Variants in GRIN2A observed in about 807,000 individuals in gnomAD.
The protein encoded by GRIN2A is glutamate ionotropic receptor NMDA type subunit 2A.
A neutral mutation model predicts 113.4 loss-of-function variants in GRIN2A; 22 were observed. The observed-to-expected ratio is 0.19, with a 90% CI of 0.14 to 0.28. GRIN2A has a LOEUF of 0.28. Ranked by LOEUF, GRIN2A falls within the 10% of genes least tolerant of loss-of-function variation. The pLI is 1.00. For synonymous variants in GRIN2A, 827 were observed against 738.4 expected (o/e 1.12, Z -1.94); for missense variants, 1,502 against 1,887.0 (o/e 0.80, Z 3.78).
At chr16:10,082,436 C>A (rs546642562) in intron 2 of GRIN2A, among the ~76,000 whole-genome samples, 5 of 152,274 alleles carry the variant, frequency 3.3e-5, no homozygotes, top group African/African-American at 1.2e-4. Flanking sequence ...TACAGGTGAA[C>A]CTGTGAATAT....
intron 3 of GRIN2A, among the ~76,000 whole-genome samples, chr16:9,933,911 G>A (rs564237707): frequency 1.1e-4 from 16 of 152,326 alleles, no homozygotes; most frequent in Non-Finnish European, 1.5e-4. Flanking sequence ...ATTTTTGTAC[G>A]TTAGACAGAA....
chr16:9,867,413 A>G (rs188612454), intron 4 of GRIN2A, among the ~76,000 whole-genome samples: 7 of 152,180 alleles, frequency 4.6e-5, no homozygotes, highest in Admixed American at 2.6e-4. Context: ...TTCAGACTCT[A>G]TGGACAACCC....
intron 4 of GRIN2A, among the ~76,000 whole-genome samples, chr16:9,871,538 G>A (rs1355247446): frequency 6.6e-6 from 1 of 151,848 alleles, no homozygotes; most frequent in Admixed American, 6.6e-5. Context: ...TGTTTATTAA[G>A]ATCTTTCTAA....
intron 4 of GRIN2A, among the ~76,000 whole-genome samples, chr16:9,868,721 C>A (rs566265841): frequency 6.6e-6 from 1 of 152,230 alleles, no homozygotes; most frequent in Non-Finnish European, 1.5e-5. Context: ...CTTCCCTCTG[C>A]ATTCATGACA....
intron 2 of GRIN2A, among the ~76,000 whole-genome samples, chr16:9,994,652 A>C (rs553694176): frequency 6.6e-6 from 1 of 152,332 alleles, no homozygotes; most frequent in African/African-American, 2.4e-5. Flanking sequence ...TGGGCAGGGA[A>C]GGGTTTGAAT....
intron 2 of GRIN2A, among the ~76,000 whole-genome samples, chr16:10,173,546 T>A (rs367666771): frequency 6.6e-6 from 1 of 152,174 alleles, no homozygotes; most frequent in African/African-American, 2.4e-5. Context: ...CTGAACCATA[T>A]TGTGATATGT....
At chr16:9,804,627 C>T (rs1278325052) in intron 10 of GRIN2A, among the ~76,000 whole-genome samples, 2 of 152,002 alleles carry the variant, frequency 1.3e-5, no homozygotes, top group Non-Finnish European at 2.9e-5. Flanking sequence ...ACCTTTCTGC[C>T]TCCACTCCCT....
At chr16:9,810,491 T>G (rs960040254) in intron 10 of GRIN2A, among the ~76,000 whole-genome samples, 1 of 152,178 alleles carries the variant, frequency 6.6e-6, no homozygotes, top group Non-Finnish European at 1.5e-5. Flanking sequence ...GATCTTGAGA[T>G]AAAGTCATCC....
chr16:9,960,090 C>G (rs1442223884), intron 2 of GRIN2A, among the ~76,000 whole-genome samples: 1 of 152,180 alleles, frequency 6.6e-6, no homozygotes, highest in Non-Finnish European at 1.5e-5. Flanking sequence ...ACCCAACTAT[C>G]TGGCCCAGGT....
chr16:9,913,079 T>G (rs1241266358), intron 3 of GRIN2A, among the ~76,000 whole-genome samples: 1 of 152,238 alleles, frequency 6.6e-6, no homozygotes, highest in Non-Finnish European at 1.5e-5. Flanking sequence ...GGAGGGTCCC[T>G]TCCACTGATA....
intron 2 of GRIN2A, among the ~76,000 whole-genome samples, chr16:10,152,331 C>T (rs1279276331): frequency 6.6e-6 from 1 of 152,188 alleles, no homozygotes; most frequent in Admixed American, 6.5e-5. Context: ...TACTTGGCCA[C>T]CTACGTGTCT....
intron 2 of GRIN2A, among the ~76,000 whole-genome samples, chr16:10,144,856 G>GACTGCA (rs2049402575): frequency 7.0e-6 from 1 of 142,368 alleles, no homozygotes; most frequent in African/African-American, 2.7e-5. Context: ...AGGAGGCGGA[G>GACTGCA]ACTGCAGTGA....
intron 2 of GRIN2A, among the ~76,000 whole-genome samples, chr16:9,979,646 T>A (rs1185190580): frequency 6.6e-6 from 1 of 151,990 alleles, no homozygotes; most frequent in African/African-American, 2.4e-5. Context: ...TATACTAGAA[T>A]CTGGACATGA....
At chr16:9,844,453 CT>C (rs2042737198) in intron 5 of GRIN2A, among the ~76,000 whole-genome samples, 1 of 152,178 alleles carries the variant, frequency 6.6e-6, no homozygotes, top group Non-Finnish European at 1.5e-5. Context: ...CTGTTGGTTC[CT>C]ATTACAGCCC....
chr16:10,132,116 G>A (rs1475462857), intron 2 of GRIN2A, among the ~76,000 whole-genome samples: 1 of 152,102 alleles, frequency 6.6e-6, no homozygotes, highest in Non-Finnish European at 1.5e-5. Flanking sequence ...CAGATCACTT[G>A]AAGTCAGGAA....
In GRIN2A at chr16:9,895,748, C is replaced by G. The variant is rs563478535; in HGVS notation, c.1008-4648G>C. ...TACCAGTCACTCTGTACCTGCTGCCCTAAGTTGATAATTAGGGTGGCCAAC... is the reference window on the plus strand; with the variant it reads ...TACCAGTCACTCTGTACCTGCTGCCGTAAGTTGATAATTAGGGTGGCCAAC... On this transcript the variant is annotated intron_variant, in intron 3 of 12. Transcript: ENST00000330684. Among the ~76,000 whole-genome samples the G allele has an allele frequency of 2.6e-5, 4 of 152,246 alleles. No individual in the cohort carries two copies. The East Asian group carries it at 7.7e-4, about 29-fold the overall frequency.
chr16:9,919,464 G>A (rs972575590), intron 3 of GRIN2A, among the ~76,000 whole-genome samples: 1 of 152,062 alleles, frequency 6.6e-6, no homozygotes, highest in Non-Finnish European at 1.5e-5. Flanking sequence ...GAGATGCATG[G>A]GATTATTCTG....
chr16:9,865,700 C>G (rs2043149943), intron 4 of GRIN2A, among the ~76,000 whole-genome samples: 1 of 152,120 alleles, frequency 6.6e-6, no homozygotes, highest in African/African-American at 2.4e-5. Flanking sequence ...CATGGAGTGC[C>G]TACTATGTGC....
rs1903130042 is a variant in GRIN2A, at chr16:9,798,344, A to C, written c.2289T>G (p.Ile763Met). The C allele has an allele frequency of 6.2e-7, 1 of 1,613,964 alleles. No homozygotes were observed. Among genetic ancestry groups the C allele is most frequent in the Non-Finnish European group, 8.5e-7 (1 of 1,179,984 alleles). Reference sequence around the variant, plus strand: ...TCCAAGGAGAGCCTTTCTGAAGGGCAATTCCATAACCGGTGGTGGCAAAGA... The same window carrying C: ...TCCAAGGAGAGCCTTTCTGAAGGGCCATTCCATAACCGGTGGTGGCAAAGA... ...GYIFATTGYG[I>M]ALQKGSPWKR... The change falls in exon 11 of 13, where the codon ATT becomes ATG. Residue 763 changes from isoleucine to methionine, a missense_variant. Ile to Met is a conservative substitution (Grantham distance 10, BLOSUM62 1). Transcript: ENST00000330684.
Sources: gnomAD v4.1 joint callset for allele counts (sites outside exome capture counted in the v4.1 genomes callset) on GRCh38, gnomAD v4.1.1 for gene constraint, MANE v1.5 for transcripts, NCBI Gene and HGNC (gene_info 2026-07-23, HGNC 2026-07-21) for gene names.